Variants in MALRD1 observed in about 807,000 individuals in gnomAD.
MALRD1 encodes the protein MAM and LDL receptor class A domain containing 1, also known as MAM and LDL-receptor class A domain-containing protein 1.
MALRD1 carries 247 observed loss-of-function variants against 242.1 expected under a neutral mutation model. The observed-to-expected ratio is 1.02, with a 90% CI of 0.92 to 1.13. The LOEUF (loss-of-function observed/expected upper bound fraction) is 1.13. MALRD1 is among the 50% of genes most tolerant of loss of function. The probability of loss-of-function intolerance (pLI) is 0.00; values close to 1 mark genes in which losing one functional copy is unlikely to be tolerated. For synonymous variants in MALRD1, 995 were observed against 866.6 expected (o/e 1.15, Z -2.60); for missense variants, 2,989 against 2,533.1 (o/e 1.18, Z -3.86).
intron 12 of MALRD1, among the ~76,000 whole-genome samples, chr10:19,157,269 T>C (rs1334347030): frequency 7.2e-6 from 1 of 139,300 alleles, no homozygotes; most frequent in African/African-American, 2.7e-5. Flanking sequence ...TTTTCTTTCT[T>C]TCCTTTTTTT....
At chr10:19,705,663 C>G (rs1247603888) in intron 38 of MALRD1, among the ~76,000 whole-genome samples, 2 of 151,812 alleles carry the variant, frequency 1.3e-5, no homozygotes, top group Non-Finnish European at 2.9e-5. Flanking sequence ...CCTCCTCCTC[C>G]TCTTTCTATT....
rs531142036 is a variant in MALRD1 at position 19,661,120 on chromosome 10, A to G, written c.6138-31162A>G. Reference sequence around the variant, plus strand: ...ACACCAGTTAGAATGGCAATCATTAAAAAGTCAGGAAACAACAGGTGCTGG... The same window carrying G: ...ACACCAGTTAGAATGGCAATCATTAGAAAGTCAGGAAACAACAGGTGCTGG... On this transcript the variant is annotated intron_variant, in intron 36 of 39. Coordinates refer to ENST00000454679, the MANE Select transcript of MALRD1 (RefSeq NM_001142308.3). 1.8e-3 allele frequency among the ~76,000 whole-genome samples: 277 copies of G among 152,304 alleles called. 2 individuals carry two copies. Among genetic ancestry groups the G allele is most frequent in the Middle Eastern group, 3.4e-3 (1 of 294 alleles).
At chr10:19,730,889 A>T (rs1835269033) in intron 39 of MALRD1, 108 bp downstream of exon 39, 1 of 1,017,332 alleles carries the variant, frequency 9.8e-7, no homozygotes, top group Admixed American at 2.6e-5. Flanking sequence ...TCTACATCAT[A>T]ACTAAAAGAA....
At chr10:19,592,973 C>A in intron 33 of MALRD1, among the ~76,000 whole-genome samples, 1 of 146,556 alleles carries the variant, frequency 6.8e-6, no homozygotes, top group Non-Finnish European at 1.5e-5. Flanking sequence ...TTGGTGAGCT[C>A]ATAAAGATGA....
At chr10:19,270,573 G>T (rs1202143492) in intron 19 of MALRD1, among the ~76,000 whole-genome samples, 2 of 152,076 alleles carry the variant, frequency 1.3e-5, no homozygotes, top group Non-Finnish European at 2.9e-5. Flanking sequence ...GCAAATGCCA[G>T]AGTTAGGAAG....
intron 17 of MALRD1, 145 bp downstream of exon 17, chr10:19,205,410 C>G: frequency 2.0e-6 from 2 of 1,000,990 alleles, no homozygotes; most frequent in South Asian, 1.8e-5. Context: ...ATTAGTCAAG[C>G]CATCAGTATT....
At chr10:19,234,620 G>A (rs1266320005) in intron 18 of MALRD1, among the ~76,000 whole-genome samples, 1 of 95,536 alleles carries the variant, frequency 1.0e-5, no homozygotes, top group South Asian at 4.2e-4. Flanking sequence ...TAGTTCAAAG[G>A]GAGCTTATCT....
intron 36 of MALRD1, among the ~76,000 whole-genome samples, chr10:19,626,814 G>C (rs969227177): frequency 6.6e-6 from 1 of 151,870 alleles, no homozygotes; most frequent in East Asian, 1.9e-4. Context: ...TAATTACATT[G>C]GCTAATTAAA....
chr10:19,506,008 G>C (rs1833120345), intron 31 of MALRD1, among the ~76,000 whole-genome samples: 1 of 152,102 alleles, frequency 6.6e-6, no homozygotes, highest in East Asian at 1.9e-4. Flanking sequence ...ATTGGTCTTT[G>C]CTGTAGCCTG....
chr10:19,637,211 C>G (rs895272343), intron 36 of MALRD1, among the ~76,000 whole-genome samples: 3 of 152,018 alleles, frequency 2.0e-5, no homozygotes, highest in African/African-American at 7.3e-5. Flanking sequence ...GCAAAGCAAA[C>G]TCCCATATCT....
chr10:19,688,521 A>C lies in MALRD1; in HGVS notation c.6138-3761A>C, dbSNP rs188036374. 1.6e-3 allele frequency among the ~76,000 whole-genome samples: 241 copies of C among 152,284 alleles called. 1 individual carries two copies. Among genetic ancestry groups the C allele is most frequent in the African/African-American group, 5.3e-3 (220 of 41,566 alleles). ...AGTAATCCTCCCACCTCGGTCTCCC[A>C]AAGTGCTGGAATTACAGGCATGAGC... is the stretch of plus-strand genomic sequence containing the variant. On this transcript the variant is annotated intron_variant, in intron 36 of 39. Coordinates refer to ENST00000454679, the MANE Select transcript of MALRD1 (RefSeq NM_001142308.3).
chr10:19,104,146 G>A (rs1353443596), intron 5 of MALRD1, 71 bp downstream of exon 5: 15 of 824,710 alleles, frequency 1.8e-5, no homozygotes, highest in Non-Finnish European at 2.4e-5. Flanking sequence ...ACATTGTGAT[G>A]ACTTTAATCT....
chr10:19,362,186 G>A (rs11009616), intron 26 of MALRD1, among the ~76,000 whole-genome samples: 114,625 of 151,970 alleles, frequency 0.75, 43,498 homozygotes, highest in African/African-American at 0.81. Context: ...AAACTCTCTG[G>A]TTATCAACTT....
chr10:19,458,700 T>C (rs1051312586), intron 29 of MALRD1, among the ~76,000 whole-genome samples: 2 of 152,152 alleles, frequency 1.3e-5, no homozygotes, highest in African/African-American at 4.8e-5. Context: ...CCAGTTGAAA[T>C]ATTTAAAATG....
chr10:19,641,877 T>A (rs990637087), intron 36 of MALRD1, among the ~76,000 whole-genome samples: 1 of 152,112 alleles, frequency 6.6e-6, no homozygotes, highest in African/African-American at 2.4e-5. Flanking sequence ...ATGACCCAAG[T>A]GGTGTTACAA....
intron 24 of MALRD1, among the ~76,000 whole-genome samples, chr10:19,340,782 T>A (rs1588937557): frequency 6.6e-6 from 1 of 152,176 alleles, no homozygotes; most frequent in Non-Finnish European, 1.5e-5. Context: ...CATTACTTTT[T>A]ATGTCATAGC....
intron 18 of MALRD1, among the ~76,000 whole-genome samples, chr10:19,228,397 G>C (rs551928618): frequency 6.6e-6 from 1 of 152,280 alleles, no homozygotes; most frequent in Admixed American, 6.5e-5. Context: ...ATGGAGAAAA[G>C]ATCAAATGCA....
At chr10:19,252,327 A>C (rs555093719) in intron 18 of MALRD1, among the ~76,000 whole-genome samples, 15 of 152,054 alleles carry the variant, frequency 9.9e-5, no homozygotes, top group South Asian at 2.1e-4. Context: ...GCCACCATTT[A>C]GTCTTCTCTA....
At position 19,499,817 on chromosome 10, in the gene MALRD1, G is replaced by A. The variant is rs186978087; in HGVS notation, c.5320+1171G>A. On this transcript the variant is annotated intron_variant, in intron 31 of 39. Coordinates refer to ENST00000454679, the MANE Select transcript of MALRD1 (RefSeq NM_001142308.3). ...TTAATTTTATTATTTATATATTCCA[G>A]GCAGATTGAATGTATCATGCTATTC... Among the ~76,000 whole-genome samples, 20 of 152,250 alleles carry A rather than the reference G, an allele frequency of 1.3e-4. 1 individual carries two copies. The highest frequency in any genetic ancestry group is 1.1e-3 in the Admixed American group (17 of 15,280).
Sources: gnomAD v4.1 joint callset for allele counts (sites outside exome capture counted in the v4.1 genomes callset) on GRCh38, gnomAD v4.1.1 for gene constraint, MANE v1.5 for transcripts, NCBI Gene and HGNC (gene_info 2026-07-23, HGNC 2026-07-21) for gene names.